Variants in RAB38 observed in about 807,000 individuals in gnomAD.
RAB38 encodes the protein ras-related protein Rab-38.
In RAB38, 15 loss-of-function variants were observed where a neutral mutation model predicts 18.4. The ratio of observed to expected loss-of-function variants is 0.82; its 90% CI spans 0.55 to 1.26. The LOEUF (loss-of-function observed/expected upper bound fraction) is 1.26, where lower values mean the gene tolerates loss of function less well. RAB38 is among the 50% of genes most tolerant of loss of function. The pLI is 0.00. For synonymous variants in RAB38, 101 were observed against 104.4 expected (o/e 0.97, Z 0.20); for missense variants, 294 against 267.4 (o/e 1.10, Z -0.69).
intron 1 of RAB38, chr11:88,166,768 A>G (rs924935224): frequency 2.6e-5 from 4 of 152,134 alleles, no homozygotes; most frequent in Non-Finnish European, 4.4e-5. Context: ...GAAAAAAAAT[A>G]GAATGTCTCC....
the RAB38 span, among the ~76,000 whole-genome samples, chr11:87,909,196 T>G: frequency 6.6e-6 from 1 of 151,986 alleles, no homozygotes; most frequent in Admixed American, 6.6e-5. Flanking sequence ...ATTGGGAAAA[T>G]TTCTTGAACT....
chr11:88,086,318 G>A, the RAB38 span, among the ~76,000 whole-genome samples: 3 of 151,868 alleles, frequency 2.0e-5, no homozygotes, highest in African/African-American at 7.2e-5. Context: ...TTATGCCAAG[G>A]AGTAGTAGAT....
the RAB38 span, among the ~76,000 whole-genome samples, chr11:88,101,431 T>C: frequency 6.6e-6 from 1 of 151,910 alleles, no homozygotes; most frequent in African/African-American, 2.4e-5. Context: ...ACAGTATATA[T>C]TAATATAATA....
Position 88,114,081 on chromosome 11 carries a change from C to G in RAB38, c.543G>C (p.Glu181Asp). ...RCLVKHILANECDLMESIEPD... is the reference protein window; with the variant it reads ...RCLVKHILANDCDLMESIEPD... ...GCTCAATAGACTCCATTAGGTCACACTCATTTGCAAGTATGTGTTTCACCA... is the reference window on the plus strand; with the variant it reads ...GCTCAATAGACTCCATTAGGTCACAGTCATTTGCAAGTATGTGTTTCACCA... The change falls in exon 3 of 3, where the codon GAG becomes GAC. Residue 181 changes from glutamate (E) to aspartate (D), a missense_variant. By Grantham distance (45) the Glu-to-Asp change is conservative. Transcript: ENST00000243662. 6.2e-7 allele frequency: 1 copy of G among 1,614,170 alleles called. No individual in the cohort carries two copies. Among genetic ancestry groups the G allele is most frequent in the Non-Finnish European group, 8.5e-7 (1 of 1,180,018 alleles).
At chr11:87,950,234 T>C in the RAB38 span, among the ~76,000 whole-genome samples, 43 of 152,320 alleles carry the variant, frequency 2.8e-4, no homozygotes, top group Middle Eastern at 3.4e-3. Context: ...ATTTTCCATT[T>C]GCTTGATAAA....
the RAB38 span, among the ~76,000 whole-genome samples, chr11:87,956,217 T>TATTA: frequency 3.3e-5 from 5 of 152,164 alleles, no homozygotes; most frequent in African/African-American, 1.2e-4. Context: ...GATAAAGGAC[T>TATTA]ATTATGAAGA....
the RAB38 span, among the ~76,000 whole-genome samples, chr11:87,941,433 G>A: frequency 6.6e-6 from 1 of 151,140 alleles, no homozygotes; most frequent in Non-Finnish European, 1.5e-5. Flanking sequence ...GTTGAGTTGA[G>A]TTTCTCAAAA....
chr11:88,067,018 TA>T, the RAB38 span, among the ~76,000 whole-genome samples: 10 of 152,196 alleles, frequency 6.6e-5, no homozygotes, highest in Non-Finnish European at 1.5e-4. Context: ...ATAAGGTGCC[TA>T]AAGTGTTTAG....
the RAB38 span, among the ~76,000 whole-genome samples, chr11:87,890,459 G>T: frequency 1.3e-5 from 2 of 151,940 alleles, no homozygotes; most frequent in East Asian, 3.9e-4. Context: ...TCACCTGCCA[G>T]AGTGACCATC....
At chr11:87,859,612 C>A in the RAB38 span, among the ~76,000 whole-genome samples, 4 of 151,910 alleles carry the variant, frequency 2.6e-5, no homozygotes, top group African/African-American at 4.8e-5. Flanking sequence ...AGTAAGATAT[C>A]TTTTGGTTGT....
At chr11:87,903,503 A>T in the RAB38 span, among the ~76,000 whole-genome samples, 1 of 151,432 alleles carries the variant, frequency 6.6e-6, no homozygotes, top group Non-Finnish European at 1.5e-5. Context: ...CTCTTGAAGG[A>T]TATTGGTCTC....
At chr11:87,863,588 T>C in the RAB38 span, among the ~76,000 whole-genome samples, 3 of 151,686 alleles carry the variant, frequency 2.0e-5, no homozygotes, top group African/African-American at 4.8e-5. Flanking sequence ...CGCATGATAG[T>C]GTAAATAAGA....
chr11:87,970,846 T>C, the RAB38 span, among the ~76,000 whole-genome samples: 1 of 152,052 alleles, frequency 6.6e-6, no homozygotes, highest in South Asian at 2.1e-4. Flanking sequence ...GCCTTACATT[T>C]GGGGCTTTTG....
the RAB38 span, among the ~76,000 whole-genome samples, chr11:87,872,450 G>A: frequency 6.6e-6 from 1 of 151,412 alleles, no homozygotes; most frequent in Non-Finnish European, 1.5e-5. Context: ...ACACTGACAT[G>A]TCATTATAAA....
At chr11:87,886,831 T>TG in the RAB38 span, among the ~76,000 whole-genome samples, 3 of 151,506 alleles carry the variant, frequency 2.0e-5, no homozygotes, top group Non-Finnish European at 4.4e-5. Flanking sequence ...CTTGTTTTTT[T>TG]TTTTTTTTTC....
At chr11:88,151,773 A>G (rs957394313) in intron 1 of RAB38, among the ~76,000 whole-genome samples, 1 of 152,228 alleles carries the variant, frequency 6.6e-6, no homozygotes, top group African/African-American at 2.4e-5. Context: ...TGGTAGTAGC[A>G]TTGAAACTGT....
At chr11:87,861,099 T>C in the RAB38 span, among the ~76,000 whole-genome samples, 86,611 of 151,648 alleles carry the variant, frequency 0.57, 26,940 homozygotes, top group Non-Finnish European at 0.7. Flanking sequence ...GGATAACTTG[T>C]TGTAAGAAGG....
the RAB38 span, among the ~76,000 whole-genome samples, chr11:87,916,858 C>T: frequency 3.3e-5 from 5 of 152,252 alleles, no homozygotes; most frequent in East Asian, 9.7e-4. Flanking sequence ...TTATTGTATG[C>T]AGCATGATGT....
At chr11:87,966,600 G>A in the RAB38 span, among the ~76,000 whole-genome samples, 14 of 152,126 alleles carry the variant, frequency 9.2e-5, no homozygotes, top group Non-Finnish European at 1.6e-4. Context: ...AATCAATAAT[G>A]CTAAAATTAA....
Sources: gnomAD v4.1 joint callset for allele counts (sites outside exome capture counted in the v4.1 genomes callset) on GRCh38, gnomAD v4.1.1 for gene constraint, MANE v1.5 for transcripts, NCBI Gene and HGNC (gene_info 2026-07-23, HGNC 2026-07-21) for gene names.